Variants in PIGN observed in about 807,000 individuals in gnomAD.
PIGN encodes the protein GPI ethanolamine phosphate transferase 1.
PIGN carries 117 observed loss-of-function variants against 125.4 expected under a neutral mutation model. The observed-to-expected ratio is 0.93, with a 90% CI of 0.80 to 1.09. The LOEUF (loss-of-function observed/expected upper bound fraction) is 1.09. Ranked by LOEUF, PIGN falls within the 50% of genes least tolerant of loss-of-function variation. The pLI is 0.00. For missense variants in PIGN, 1,075 were observed against 1,094.9 expected (o/e 0.98, Z 0.26); for synonymous variants, 392 against 377.8 (o/e 1.04, Z -0.44).
intron 10 of PIGN, among the ~76,000 whole-genome samples, chr18:62,145,120 G>T (rs989270942): frequency 2.6e-5 from 4 of 151,894 alleles, no homozygotes; most frequent in African/African-American, 9.7e-5. Context: ...GTTTATAGTT[G>T]CTTTAATTCT....
downstream of PIGN, among the ~76,000 whole-genome samples, chr18:62,040,180 T>C (rs1599379191): frequency 1.2e-5 from 1 of 86,726 alleles, no homozygotes; most frequent in African/African-American, 4.7e-5. Flanking sequence ...CCTTCCAGGG[T>C]GCCGCACCCC....
intron 23 of PIGN, among the ~76,000 whole-genome samples, chr18:62,035,674 C>A (rs553682997): frequency 6.6e-6 from 1 of 152,164 alleles, no homozygotes; most frequent in South Asian, 2.1e-4. Flanking sequence ...TATCCCTCCC[C>A]CTTCCCCCCA....
At chr18:62,119,289 GA>G (rs1261942966) in intron 14 of PIGN, among the ~76,000 whole-genome samples, 3 of 149,210 alleles carry the variant, frequency 2.0e-5, no homozygotes, top group Non-Finnish European at 3.0e-5. Context: ...AAGACCAATT[GA>G]AAAAAAAAGA....
At chr18:62,134,386 G>A (rs1245881613) in intron 14 of PIGN, among the ~76,000 whole-genome samples, 1 of 152,124 alleles carries the variant, frequency 6.6e-6, no homozygotes, top group Non-Finnish European at 1.5e-5. Flanking sequence ...ACGAGAGTCA[G>A]TCTCAAACAA....
chr18:62,139,537 G>A (rs545455826), intron 12 of PIGN, among the ~76,000 whole-genome samples: 16 of 152,282 alleles, frequency 1.1e-4, no homozygotes, highest in African/African-American at 3.8e-4. Context: ...AGCATTCTGG[G>A]TTAAATAACA....
At chr18:62,020,924 G>A (rs2030047162) in intron 23 of PIGN, among the ~76,000 whole-genome samples, 1 of 148,366 alleles carries the variant, frequency 6.7e-6, no homozygotes, top group Non-Finnish European at 1.5e-5. Flanking sequence ...TCGCGCCATT[G>A]CACACTAGCC....
At chr18:62,065,520 C>T (rs963822473) in intron 30 of PIGN, among the ~76,000 whole-genome samples, 1 of 151,950 alleles carries the variant, frequency 6.6e-6, no homozygotes, top group Non-Finnish European at 1.5e-5. Context: ...GGGCGGATCA[C>T]GAGGTCAGAA....
At chr18:62,038,581 A>C (rs534079981), downstream of PIGN, among the ~76,000 whole-genome samples, 48 of 152,304 alleles carry the variant, frequency 3.2e-4, no homozygotes, top group African/African-American at 1.1e-3. Flanking sequence ...TTATCTCAAG[A>C]GGAAATGCTG....
chr18:62,109,757 A>G, intron 17 of PIGN, 77 bp downstream of exon 17: 1 of 1,276,716 alleles, frequency 7.8e-7, no homozygotes, highest in Non-Finnish European at 1.1e-6. Flanking sequence ...CTTATGGTAC[A>G]GAAATCTACT....
intron 22 of PIGN, among the ~76,000 whole-genome samples, chr18:62,099,203 T>A (rs655080): frequency 0.91 from 139,014 of 152,098 alleles, 63,651 homozygotes; most frequent in African/African-American, 0.97. Flanking sequence ...CAGGAACTAA[T>A]CTTAAAACAC....
At chr18:62,106,690 T>G (rs1411382752) in intron 19 of PIGN, 99 bp downstream of exon 19, 1 of 753,304 alleles carries the variant, frequency 1.3e-6, no homozygotes, top group Admixed American at 2.6e-5. Flanking sequence ...TAAGAACACA[T>G]TCTACCCTTT....
chr18:62,042,216 G>A lies in PIGN; in HGVS notation c.*3640C>T, dbSNP rs754759617. The A allele has an allele frequency of 4.6e-5, 7 of 152,282 alleles. No individual in the cohort carries two copies. The highest frequency in any genetic ancestry group is 3.4e-3 in the Middle Eastern group (1 of 294). The allele number at this position is 152,282 out of a possible 1,614,324, so 9.4% of individuals were successfully genotyped here. A position where few individuals can be genotyped will look rare whatever the true frequency, so the allele number is the denominator to read the frequency against. ...GGCACCTGTAATCCCAGCTACTCAG[G>A]AGGCTGAGGCAGAAGAATCGCTTGA... is the stretch of plus-strand genomic sequence containing the variant. On this transcript the variant is annotated 3_prime_UTR_variant, in exon 31 of 31. Coordinates refer to ENST00000640252, the MANE Select transcript of PIGN (RefSeq NM_176787.5).
intron 28 of PIGN, among the ~76,000 whole-genome samples, chr18:62,076,429 T>G (rs1195942529): frequency 1.3e-5 from 2 of 152,198 alleles, no homozygotes; most frequent in Non-Finnish European, 2.9e-5. Flanking sequence ...TTGTAAATAT[T>G]TTCTCCCAGT....
intron 1 of PIGN, among the ~76,000 whole-genome samples, chr18:62,180,881 T>C (rs1000775059): frequency 6.6e-6 from 1 of 152,170 alleles, no homozygotes; most frequent in African/African-American, 2.4e-5. Flanking sequence ...GTGTGAGTTT[T>C]TTGTGTCTTG....
intron 14 of PIGN, among the ~76,000 whole-genome samples, chr18:62,134,830 A>T (rs1477106879): frequency 1.3e-5 from 2 of 152,174 alleles, no homozygotes; most frequent in Non-Finnish European, 2.9e-5. Flanking sequence ...TTTATATTTG[A>T]AGCATGCTTT....
intron 25 of PIGN, among the ~76,000 whole-genome samples, chr18:62,086,724 T>C (rs574852886): frequency 2.4e-4 from 36 of 152,080 alleles, no homozygotes; most frequent in African/African-American, 8.2e-4. Context: ...GACTGTGTGA[T>C]ATTCAGATAA....
In PIGN at chr18:62,106,970, C is replaced by G. The variant is rs1365933325; in HGVS notation, c.1674+16G>C. On this transcript the variant is annotated intron_variant, in intron 18 of 30. Transcript: ENST00000640252. Reference sequence around the variant, plus strand: ...AAAAGAAATTTGCAAATGTTGTAATCTGGTAAGTTACTTACTAATACTTCA... The same window carrying G: ...AAAAGAAATTTGCAAATGTTGTAATGTGGTAAGTTACTTACTAATACTTCA... The G allele has an allele frequency of 1.9e-6, 3 of 1,551,196 alleles. No homozygotes were observed. Among genetic ancestry groups the G allele is most frequent in the Non-Finnish European group, 2.6e-6 (3 of 1,139,862 alleles).
chr18:62,162,976 T>C (rs986491077), intron 2 of PIGN, among the ~76,000 whole-genome samples: 3 of 152,192 alleles, frequency 2.0e-5, no homozygotes, highest in African/African-American at 7.2e-5. Flanking sequence ...ATTCAAATAT[T>C]GTGAAAAATT....
At chr18:62,185,446 T>A (rs1184382126) in intron 1 of PIGN, among the ~76,000 whole-genome samples, 1 of 152,210 alleles carries the variant, frequency 6.6e-6, no homozygotes, top group Non-Finnish European at 1.5e-5. Flanking sequence ...AATAAAATTT[T>A]AAAAACCCAA....
Sources: allele counts gnomAD v4.1 joint callset (sites outside exome capture counted in the v4.1 genomes callset), GRCh38; gene constraint gnomAD v4.1.1; transcripts MANE v1.5; gene names NCBI Gene and HGNC (gene_info 2026-07-23, HGNC 2026-07-21).